DNMT1: variants seen among roughly 807,000 people sequenced by gnomAD.
The protein encoded by DNMT1 is DNA methyltransferase 1.
A neutral mutation model predicts 205.3 loss-of-function variants in DNMT1; 24 were observed. That is an observed-to-expected ratio of 0.12 (90% confidence interval 0.08 to 0.16). The LOEUF (loss-of-function observed/expected upper bound fraction) is 0.16. DNMT1 is among the 10% of genes least tolerant of loss of function. The pLI, the probability that DNMT1 is intolerant of heterozygous loss-of-function variation, is 1.00. For synonymous variants in DNMT1, 817 were observed against 839.8 expected (o/e 0.97, Z 0.47); for missense variants, 1,293 against 2,177.7 (o/e 0.59, Z 8.09).
intron 12 of DNMT1, 72 bp downstream of exon 12, chr19:10,163,251 GCCA>G: frequency 6.5e-7 from 1 of 1,534,106 alleles, no homozygotes; most frequent in Non-Finnish European, 9.0e-7. Flanking sequence ...ACAGGTGCAA[GCCA>G]CCACACCTGG....
At chr19:10,148,799 A>G in intron 27 of DNMT1, 85 bp downstream of exon 27, 1 of 1,608,650 alleles carries the variant, frequency 6.2e-7, no homozygotes, top group Non-Finnish European at 8.5e-7. Context: ...CGTTGGCGGA[A>G]GCCAACCAGA....
chr19:10,155,815 T>TCAGACCCCGGC (rs1437161269), intron 19 of DNMT1, 38 bp downstream of exon 19: 1 of 1,596,784 alleles, frequency 6.3e-7, no homozygotes, highest in Middle Eastern at 1.7e-4. Context: ...AAGGCCCCTT[T>TCAGACCCCGGC]CAGACCCCGG....
Position 10,137,443 on chromosome 19 carries a change from GGCAGGGACCTGAGGCAGC to G in DNMT1, c.4294-181_4294-164del. 1 of 860,652 alleles carries G rather than the reference GGCAGGGACCTGAGGCAGC, an allele frequency of 1.2e-6. No individual in the cohort carries two copies. The highest frequency in any genetic ancestry group is 1.8e-6 in the Non-Finnish European group (1 of 558,222). The allele number at this position is 860,652 out of a possible 1,614,324, so 53.3% of individuals were successfully genotyped here. On this transcript the variant is annotated intron_variant, in intron 36 of 40. Coordinates refer to ENST00000359526, the MANE Select transcript of DNMT1 (RefSeq NM_001130823.3). This position sits in a 1 kb window ranked among gnomAD's most constrained non-coding sequence, Gnocchi z 6.4. ...GATATCGCACTTGGCTCGAGGCCAC[GGCAGGGACCTGAGGCAGC>G]GCAGGTGTAGGAGAGCGTGGGAATC... is the stretch of plus-strand genomic sequence containing the variant.
chr19:10,174,015 G>C, intron 7 of DNMT1, 110 bp from the exon 8 acceptor site: 1 of 1,142,886 alleles, frequency 8.7e-7, no homozygotes, highest in East Asian at 2.4e-5. Flanking sequence ...GTTAGAGCAA[G>C]AGTGGGAAAA....
At chr19:10,187,572 C>A (rs372938754) in intron 1 of DNMT1, among the ~76,000 whole-genome samples, 2 of 148,720 alleles carry the variant, frequency 1.3e-5, no homozygotes, top group Non-Finnish European at 3.0e-5. Context: ...CCTGTCTCTA[C>A]GAGAAAACAG....
intron 9 of DNMT1, among the ~76,000 whole-genome samples, chr19:10,170,432 A>T (rs1256047476): frequency 6.6e-6 from 1 of 152,160 alleles, no homozygotes; most frequent in Non-Finnish European, 1.5e-5. Context: ...TGGGGTCAGG[A>T]GTTCGAGACC....
At chr19:10,142,672 G>A (rs879571455) in intron 29 of DNMT1, 47 of 204,856 alleles carry the variant, frequency 2.3e-4, no homozygotes, top group Admixed American at 2.2e-3. Flanking sequence ...TGGAACCGCA[G>A]GGTAAAGACC....
At chr19:10,135,905 C>T (rs946519247) in intron 38 of DNMT1, 53 bp from the exon 39 acceptor site, 23 of 1,529,312 alleles carry the variant, frequency 1.5e-5, no homozygotes, top group East Asian at 2.4e-5. Flanking sequence ...GCCGGGTCAC[C>T]GTCGGGGACA....
chr19:10,136,099 C>G (rs578254567), intron 38 of DNMT1, 22 bp downstream of exon 38: 1 of 1,613,746 alleles, frequency 6.2e-7, no homozygotes, highest in Non-Finnish European at 8.5e-7. Flanking sequence ...CCCAGGCCCT[C>G]GGATGCCCCC....
intron 29 of DNMT1, among the ~76,000 whole-genome samples, chr19:10,143,388 T>TC (rs2089641661): frequency 6.7e-6 from 1 of 150,272 alleles, no homozygotes; most frequent in African/African-American, 2.4e-5. Flanking sequence ...GCTAGTCTTT[T>TC]TTTTTTTTTT....
chr19:10,162,516 C>T (rs952369553), intron 13 of DNMT1, 151 bp downstream of exon 13: 38 of 760,296 alleles, frequency 5.0e-5, no homozygotes, highest in Non-Finnish European at 6.3e-5. Flanking sequence ...GTGATTCACC[C>T]GCTTCAGCCT....
intron 6 of DNMT1, 64 bp downstream of exon 6, chr19:10,177,228 A>G (rs111922071): frequency 6.8e-7 from 1 of 1,472,912 alleles, no homozygotes; most frequent in African/African-American, 1.4e-5. Context: ...GTGACGCCCT[A>G]CCAATTCCAT....
Position 10,137,490 on chromosome 19 carries a change from G to C in DNMT1, c.4294-210C>G, listed in dbSNP as rs2089511187. 4.5e-6 allele frequency: 3 copies of C among 671,238 alleles called. No individual in the cohort carries two copies. In the Admixed American group the frequency reaches 8.2e-5, roughly 18 times the overall value. 41.6% of individuals were successfully genotyped at this position (671,238 alleles called of 1,614,324 possible). On this transcript the variant is annotated intron_variant, in intron 36 of 40. Transcript: ENST00000359526. The surrounding 1 kb of genome is among the most constrained non-coding windows in gnomAD (Gnocchi z 6.4). ...GGTGTAGGAGAGCGTGGGAATCTAA[G>C]CTGAGCCTTTAGGGTGGGGGAAGGG... is the stretch of plus-strand genomic sequence containing the variant.
Position 10,133,814 on chromosome 19 carries a change from C to T in DNMT1, c.4865-113G>A. The T allele has an allele frequency of 8.7e-7, 1 of 1,155,862 alleles. No homozygotes were observed. The highest frequency in any genetic ancestry group is 1.3e-6 in the Non-Finnish European group (1 of 787,606). The allele number at this position is 1,155,862 out of a possible 1,614,324, so 71.6% of individuals were successfully genotyped here. A position where few individuals can be genotyped will look rare whatever the true frequency, so the allele number is the denominator to read the frequency against. ...GGAAACATTAACGTACTGATGTTAACAGCTGACCCAATAAGTGGCAGAGTG... is the reference window on the plus strand; with the variant it reads ...GGAAACATTAACGTACTGATGTTAATAGCTGACCCAATAAGTGGCAGAGTG... On this transcript the variant is annotated intron_variant, in intron 40 of 40. Coordinates refer to ENST00000359526, the MANE Select transcript of DNMT1 (RefSeq NM_001130823.3). The surrounding 1 kb of genome is among the most constrained non-coding windows in gnomAD (Gnocchi z 4.1).
At position 10,133,766 on chromosome 19, in the gene DNMT1, C is replaced by T. The variant is rs141836316; in HGVS notation, c.4865-65G>A. ...GCCCGGTGTCACGCCACTTGACAGG[C>T]GAGTAACAGACATGGACCATCAGGA... On this transcript the variant is annotated intron_variant, in intron 40 of 40. Transcript: ENST00000359526. This position sits in a 1 kb window ranked among gnomAD's most constrained non-coding sequence, Gnocchi z 4.1. The T allele has an allele frequency of 7.8e-5, 118 of 1,508,028 alleles. No individual in the cohort carries two copies. Among genetic ancestry groups the T allele is most frequent in the Middle Eastern group, 3.4e-4 (2 of 5,882 alleles). 93.4% of individuals were successfully genotyped at this position (1,508,028 alleles called of 1,614,324 possible). A position where few individuals can be genotyped will look rare whatever the true frequency, so the allele number is the denominator to read the frequency against.
intron 29 of DNMT1, 85 bp downstream of exon 29, chr19:10,143,681 G>A: frequency 1.4e-6 from 2 of 1,471,868 alleles, no homozygotes; most frequent in Non-Finnish European, 1.9e-6. Context: ...TAGAACAACT[G>A]TGGGTGCTAT....
At position 10,138,393 on chromosome 19, in the gene DNMT1, T is replaced by C; in HGVS notation, c.4115+46A>G. ...AGTACTCACGGGCCCCATGAGCTAC[T>C]GAGGCCTGCTCGGCAGTGTGTGGAG... On this transcript the variant is annotated intron_variant, in intron 35 of 40. Coordinates refer to ENST00000359526, the MANE Select transcript of DNMT1 (RefSeq NM_001130823.3). This position sits in a 1 kb window ranked among gnomAD's most constrained non-coding sequence, Gnocchi z 4.1. The C allele has an allele frequency of 6.2e-7, 1 of 1,613,188 alleles. No homozygotes were observed. The highest frequency in any genetic ancestry group is 8.5e-7 in the Non-Finnish European group (1 of 1,179,990).
intron 24 of DNMT1, 147 bp from the exon 25 acceptor site, chr19:10,150,115 T>C: frequency 1.3e-6 from 1 of 749,464 alleles, no homozygotes; most frequent in Non-Finnish European, 2.3e-6. Context: ...GAACATCCTG[T>C]TCTACAAGGG....
chr19:10,137,802 G>C lies in DNMT1; in HGVS notation c.4293+30C>G, dbSNP rs1371645733. ...ACGAGGCTGCTGGGCTGGGCCTCGA[G>C]GAGGAGCCGCTCTGTCAGGGTGCCA... is the stretch of plus-strand genomic sequence containing the variant. On this transcript the variant is annotated intron_variant, in intron 36 of 40. Coordinates refer to ENST00000359526, the MANE Select transcript of DNMT1 (RefSeq NM_001130823.3). This position sits in a 1 kb window ranked among gnomAD's most constrained non-coding sequence, Gnocchi z 6.4. 1 of 1,607,308 alleles carries C rather than the reference G, an allele frequency of 6.2e-7. No individual in the cohort carries two copies. Among genetic ancestry groups the C allele is most frequent in the East Asian group, 2.2e-5 (1 of 44,642 alleles).
Sources: allele counts gnomAD v4.1 joint callset (sites outside exome capture counted in the v4.1 genomes callset), GRCh38; gene constraint gnomAD v4.1.1; non-coding constraint Gnocchi (gnomAD v3.1); transcripts MANE v1.5; gene names NCBI Gene and HGNC (gene_info 2026-07-23, HGNC 2026-07-21).